Variants in DLGAP1 observed in about 807,000 individuals in gnomAD.
DLGAP1 encodes disks large-associated protein 1.
In DLGAP1, 11 loss-of-function variants were observed where a neutral mutation model predicts 90.8. The observed-to-expected ratio is 0.12, with a 90% CI of 0.08 to 0.20. The LOEUF is 0.20. DLGAP1 is among the 10% of genes least tolerant of loss of function. The pLI, the probability that DLGAP1 is intolerant of heterozygous loss-of-function variation, is 1.00. For synonymous variants in DLGAP1, 558 were observed against 540.7 expected (o/e 1.03, Z -0.44); for missense variants, 1,050 against 1,333.8 (o/e 0.79, Z 3.31).
intron 1 of DLGAP1, among the ~76,000 whole-genome samples, chr18:4,192,199 T>C (rs2077413871): frequency 6.6e-6 from 1 of 152,166 alleles, no homozygotes; most frequent in African/African-American, 2.4e-5. Context: ...ACCTCTCCTT[T>C]TATCCTCAGA....
At chr18:3,688,306 G>C (rs1037818975) in intron 7 of DLGAP1, among the ~76,000 whole-genome samples, 11 of 152,068 alleles carry the variant, frequency 7.2e-5, no homozygotes, top group African/African-American at 2.7e-4. Flanking sequence ...TGATTCATAT[G>C]AAAGAATCTG....
intron 1 of DLGAP1, among the ~76,000 whole-genome samples, chr18:4,237,341 A>G (rs1319163234): frequency 6.6e-6 from 1 of 152,132 alleles, no homozygotes; most frequent in Non-Finnish European, 1.5e-5. Flanking sequence ...CCCTTCCTCC[A>G]GTGGGCGCAG....
chr18:3,754,771 C>T (rs2063649019), intron 5 of DLGAP1, among the ~76,000 whole-genome samples: 1 of 150,734 alleles, frequency 6.6e-6, no homozygotes, highest in Non-Finnish European at 1.5e-5. Flanking sequence ...CAGTGTGTGC[C>T]TGTAGTCCCA....
intron 2 of DLGAP1, among the ~76,000 whole-genome samples, chr18:4,105,382 T>C (rs2075842244): frequency 6.6e-6 from 1 of 152,182 alleles, no homozygotes. Context: ...GGAAAACCAA[T>C]GTAACTTAAT....
chr18:3,973,840 A>T (rs2073508842), intron 3 of DLGAP1, among the ~76,000 whole-genome samples: 1 of 152,156 alleles, frequency 6.6e-6, no homozygotes, highest in Non-Finnish European at 1.5e-5. Context: ...AACAATGAGG[A>T]TATGTTCTGA....
chr18:4,068,837 T>C lies in DLGAP1; in HGVS notation c.-158-63636A>G, dbSNP rs536471305. Among the ~76,000 whole-genome samples the C allele has an allele frequency of 2.5e-4, 38 of 152,270 alleles. No homozygotes were observed. The South Asian group carries it at 7.9e-3, about 32-fold the overall frequency. ...ACCTTAGAAAACATCCAATCCGATG[T>C]CCACGCGTACAGGTGAGGAAACAGA... On this transcript the variant is annotated intron_variant, in intron 2 of 12. Coordinates refer to ENST00000315677, the MANE Select transcript of DLGAP1 (RefSeq NM_004746.4).
At chr18:3,583,186 C>CTACCTACCTACA (rs1344353233) in intron 7 of DLGAP1, among the ~76,000 whole-genome samples, 3 of 141,288 alleles carry the variant, frequency 2.1e-5, no homozygotes, top group African/African-American at 7.7e-5. Flanking sequence ...ACCTACCTAC[C>CTACCTACCTACA]TTCCTTCCTT....
intron 8 of DLGAP1, chr18:3,580,496 C>CAGGAGG (rs1056993546): frequency 6.4e-7 from 1 of 1,571,110 alleles, no homozygotes; most frequent in Non-Finnish European, 8.7e-7. Flanking sequence ...GGTGAGAGAC[C>CAGGAGG]AGGAGGAGGA....
chr18:4,040,460 A>G (rs775757760), intron 2 of DLGAP1, among the ~76,000 whole-genome samples: 72 of 152,240 alleles, frequency 4.7e-4, no homozygotes, highest in Non-Finnish European at 9.3e-4. Context: ...ACATTCATCC[A>G]TAACAGGTCT....
chr18:4,410,200 A>G (rs2082746760), intron 1 of DLGAP1, among the ~76,000 whole-genome samples: 1 of 152,202 alleles, frequency 6.6e-6, no homozygotes, highest in Non-Finnish European at 1.5e-5. Context: ...AATATGGTGC[A>G]GTGTATACTG....
chr18:4,344,028 T>A (rs1330217997), intron 1 of DLGAP1, among the ~76,000 whole-genome samples: 1 of 152,154 alleles, frequency 6.6e-6, no homozygotes, highest in Admixed American at 6.6e-5. Context: ...TGAAAAGGTG[T>A]CCTGAGATTT....
At chr18:3,695,342 T>C (rs377274471) in intron 7 of DLGAP1, among the ~76,000 whole-genome samples, 5 of 152,200 alleles carry the variant, frequency 3.3e-5, no homozygotes, top group Non-Finnish European at 5.9e-5. Context: ...TTAGGTCTTA[T>C]GTTTAAGTCT....
chr18:3,507,171 CCTT>C (rs1377748413), intron 11 of DLGAP1, among the ~76,000 whole-genome samples: 1 of 152,006 alleles, frequency 6.6e-6, no homozygotes, highest in Non-Finnish European at 1.5e-5. Flanking sequence ...CTGTATTTCT[CCTT>C]GTTAACAAGA....
intron 1 of DLGAP1, among the ~76,000 whole-genome samples, chr18:4,308,328 A>C (rs917984322): frequency 6.6e-6 from 1 of 152,162 alleles, no homozygotes; most frequent in Non-Finnish European, 1.5e-5. Flanking sequence ...AATAAACATA[A>C]ACTTATTTTG....
chr18:3,624,176 A>C (rs374292196), intron 7 of DLGAP1, among the ~76,000 whole-genome samples: 3 of 152,256 alleles, frequency 2.0e-5, no homozygotes, highest in African/African-American at 7.2e-5. Context: ...AGCCTGTCCA[A>C]CGGTTGGCCT....
At chr18:4,002,237 CA>C (rs2074201720) in intron 3 of DLGAP1, among the ~76,000 whole-genome samples, 1 of 152,108 alleles carries the variant, frequency 6.6e-6, no homozygotes, top group African/African-American at 2.4e-5. Context: ...TTTAAGCAAC[CA>C]AACTTTTAGT....
rs2049753023 is a variant in DLGAP1, at chr18:3,498,101, G to A, written c.*1084C>T. The A allele has an allele frequency of 6.6e-6, 1 of 152,222 alleles. No individual in the cohort carries two copies. Among genetic ancestry groups the A allele is most frequent in the South Asian group, 2.1e-4 (1 of 4,832 alleles). The allele number at this position is 152,222 out of a possible 1,614,324, so 9.4% of individuals were successfully genotyped here. A position where few individuals can be genotyped will look rare whatever the true frequency, so the allele number is the denominator to read the frequency against. On this transcript the variant is annotated 3_prime_UTR_variant, in exon 13 of 13. Coordinates refer to ENST00000315677, the MANE Select transcript of DLGAP1 (RefSeq NM_004746.4). ...TTGGGTTAAAATAGACGGATGTGTA[G>A]CATTCAAAGGGATGGTAGGAAAACC...
At chr18:4,344,572 T>C (rs2081268067) in intron 1 of DLGAP1, among the ~76,000 whole-genome samples, 1 of 152,236 alleles carries the variant, frequency 6.6e-6, no homozygotes. Context: ...TCAAGGTCAC[T>C]GGTGAGGCTA....
At chr18:4,431,298 T>C (rs987019444) in intron 1 of DLGAP1, 2 of 152,208 alleles carry the variant, frequency 1.3e-5, no homozygotes, top group African/African-American at 4.8e-5. Flanking sequence ...ATGGGAAAAT[T>C]ATATTGGTTC....
Sources: allele counts gnomAD v4.1 joint callset (sites outside exome capture counted in the v4.1 genomes callset), GRCh38; gene constraint gnomAD v4.1.1; transcripts MANE v1.5; gene names NCBI Gene and HGNC (gene_info 2026-07-23, HGNC 2026-07-21).